The following ABAT variants were observed in gnomAD, a reference collection of about 807,000 sequenced individuals.
The protein encoded by ABAT is 4-aminobutyrate aminotransferase.
In ABAT, 45 loss-of-function variants were observed where a neutral mutation model predicts 64.6. The observed-to-expected ratio is 0.70, with a 90% CI of 0.55 to 0.89. ABAT has a LOEUF of 0.89. ABAT is among the 40% of genes least tolerant of loss of function. The pLI is 0.00. For missense variants in ABAT, 633 were observed against 658.4 expected (o/e 0.96, Z 0.42); for synonymous variants, 297 against 250.5 (o/e 1.19, Z -1.75).
chr16:8,770,505 CA>C, intron 11 of ABAT, among the ~76,000 whole-genome samples: 1 of 151,846 alleles, frequency 6.6e-6, no homozygotes, highest in Non-Finnish European at 1.5e-5. Flanking sequence ...GTGGTGCAAT[CA>C]CAGCTCACTG....
At chr16:8,758,898 T>G (rs1442480520) in intron 6 of ABAT, among the ~76,000 whole-genome samples, 1 of 151,944 alleles carries the variant, frequency 6.6e-6, no homozygotes, top group Non-Finnish European at 1.5e-5. Context: ...GGTCAGGAGT[T>G]CAAGACCAGC....
chr16:8,717,523 C>G (rs1167070109), intron 1 of ABAT, among the ~76,000 whole-genome samples: 2 of 152,118 alleles, frequency 1.3e-5, no homozygotes, highest in East Asian at 3.9e-4. Context: ...TGACTCCAAA[C>G]CAAACCAGAC....
Position 8,744,019 on chromosome 16 carries a change from A to G in ABAT, c.71-1982A>G, listed in dbSNP as rs74008045. On this transcript the variant is annotated intron_variant, in intron 2 of 15. Transcript: ENST00000268251. The stretch of plus-strand genomic sequence containing the variant: ...GAGCTACCCTTTGTGTTTCAGCAAC[A>G]TGTGGAGCTAAAAAGATTGTGGGAT... 3.2e-3 allele frequency among the ~76,000 whole-genome samples: 486 copies of G among 152,282 alleles called. 4 individuals are homozygous for G. The highest frequency in any genetic ancestry group is 0.011 in the African/African-American group (459 of 41,566).
intron 11 of ABAT, among the ~76,000 whole-genome samples, chr16:8,771,322 A>C (rs1032276531): frequency 3.9e-5 from 6 of 151,980 alleles, no homozygotes; most frequent in Non-Finnish European, 7.4e-5. Context: ...AAACCAAGAA[A>C]AGTATCTCAG....
intron 1 of ABAT, among the ~76,000 whole-genome samples, chr16:8,702,006 A>C (rs534267918): frequency 5.6e-4 from 85 of 152,168 alleles, no homozygotes; most frequent in Admixed American, 1.4e-3. Context: ...GGCCACTCTG[A>C]TGGCATTGGC....
At chr16:8,779,140 G>C (rs2060355008) in intron 14 of ABAT, among the ~76,000 whole-genome samples, 1 of 152,232 alleles carries the variant, frequency 6.6e-6, no homozygotes, top group South Asian at 2.1e-4. Flanking sequence ...CACGGCCCCA[G>C]TGGGGTCAAC....
Position 8,732,204 on chromosome 16 carries a change from T to G in ABAT, c.-41-3495T>G, listed in dbSNP as rs1402362622. ...TACTTTAGGTTTTTTTTGTTTTTTTTTTTTGTTTGTTTGTTTTTTTAATTT... is the reference window on the plus strand; with the variant it reads ...TACTTTAGGTTTTTTTTGTTTTTTTGTTTTGTTTGTTTGTTTTTTTAATTT... On this transcript the variant is annotated intron_variant, in intron 1 of 15. Coordinates refer to ENST00000268251, the MANE Select transcript of ABAT (RefSeq NM_020686.6). Among the ~76,000 whole-genome samples, 19 of 22,988 alleles carry G rather than the reference T, an allele frequency of 8.3e-4. No homozygotes were observed. In the South Asian group the frequency reaches 0.012, roughly 15 times the overall value. 15.1% of individuals were successfully genotyped at this position (22,988 alleles called of 152,430 possible). A position where few individuals can be genotyped will look rare whatever the true frequency, so the allele number is the denominator to read the frequency against.
intron 1 of ABAT, chr16:8,720,590 C>G (rs1025525755): frequency 5.9e-5 from 9 of 152,430 alleles, no homozygotes; most frequent in Admixed American, 1.3e-4. Flanking sequence ...AAGCCTCTGT[C>G]CCTGTGCCAC....
chr16:8,742,647 C>G (rs911489920), intron 2 of ABAT, among the ~76,000 whole-genome samples: 1 of 151,878 alleles, frequency 6.6e-6, no homozygotes, highest in Non-Finnish European at 1.5e-5. Context: ...GGTGGATTGC[C>G]TGAGCTCAGG....
chr16:8,715,859 C>T (rs2058202947), intron 1 of ABAT, among the ~76,000 whole-genome samples: 1 of 151,880 alleles, frequency 6.6e-6, no homozygotes, highest in Non-Finnish European at 1.5e-5. Flanking sequence ...AGAGAACATT[C>T]TTGTTCTTAG....
chr16:8,758,717 T>C (rs1338669011), intron 6 of ABAT, among the ~76,000 whole-genome samples: 2 of 152,140 alleles, frequency 1.3e-5, no homozygotes, highest in Admixed American at 6.6e-5. Flanking sequence ...TGTCCCCTGG[T>C]GGATACGGTA....
chr16:8,688,187 G>A (rs140555814), intron 1 of ABAT, among the ~76,000 whole-genome samples: 208 of 152,132 alleles, frequency 1.4e-3, no homozygotes, highest in African/African-American at 4.8e-3. Context: ...CACCGCACCC[G>A]GCCAAAAGTT....
intron 4 of ABAT, among the ~76,000 whole-genome samples, chr16:8,749,870 C>T (rs918769803): frequency 1.3e-5 from 2 of 151,994 alleles, no homozygotes; most frequent in African/African-American, 4.8e-5. Context: ...TGCACCACCA[C>T]GCCTGGCTAA....
intron 2 of ABAT, chr16:8,736,205 A>G (rs574018761): frequency 4.8e-6 from 1 of 206,426 alleles, no homozygotes; most frequent in South Asian, 8.1e-5. Flanking sequence ...ACCCACCCCC[A>G]TGATTCAATT....
chr16:8,781,574 G>T lies in ABAT; in HGVS notation c.*144G>T. On this transcript the variant is annotated 3_prime_UTR_variant, in exon 16 of 16. Coordinates refer to ENST00000268251, the MANE Select transcript of ABAT (RefSeq NM_020686.6). This position sits in a 1 kb window ranked among gnomAD's most constrained non-coding sequence, Gnocchi z 4.5. ...TTTGTGGGGAGGGAGCATTTTTGGTGGTCTTGGGGGAGGGGAGGGGAGGGA... is the reference window on the plus strand; with the variant it reads ...TTTGTGGGGAGGGAGCATTTTTGGTTGTCTTGGGGGAGGGGAGGGGAGGGA... The T allele has an allele frequency of 8.9e-7, 1 of 1,117,402 alleles. No individual in the cohort carries two copies. The highest frequency in any genetic ancestry group is 1.6e-5 in the African/African-American group (1 of 63,718). The allele number at this position is 1,117,402 out of a possible 1,614,324, so 69.2% of individuals were successfully genotyped here.
chr16:8,716,711 C>G (rs1431911101), intron 1 of ABAT, among the ~76,000 whole-genome samples: 2 of 152,210 alleles, frequency 1.3e-5, no homozygotes, highest in African/African-American at 4.8e-5. Flanking sequence ...CCGTTGAGAG[C>G]CTCTCCTAGA....
chr16:8,723,242 T>G (rs566376279), intron 1 of ABAT, among the ~76,000 whole-genome samples: 191 of 151,974 alleles, frequency 1.3e-3, no homozygotes, highest in Non-Finnish European at 2.4e-3. Context: ...CTCAAAAAAA[T>G]AAAGAGAGGA....
intron 2 of ABAT, among the ~76,000 whole-genome samples, chr16:8,738,639 G>GGT (rs771101618): frequency 1.0e-5 from 1 of 99,258 alleles, no homozygotes; most frequent in African/African-American, 4.6e-5. Context: ...TTTTTTTTTT[G>GGT]GTGTGTGTGT....
intron 1 of ABAT, among the ~76,000 whole-genome samples, chr16:8,684,129 A>G (rs2057397364): frequency 6.6e-6 from 1 of 152,176 alleles, no homozygotes; most frequent in African/African-American, 2.4e-5. Context: ...AAGTAAAAAG[A>G]GGTTACCACT....
Sources: allele counts gnomAD v4.1 joint callset (sites outside exome capture counted in the v4.1 genomes callset), GRCh38; gene constraint gnomAD v4.1.1; non-coding constraint Gnocchi (gnomAD v3.1); transcripts MANE v1.5; gene names NCBI Gene and HGNC (gene_info 2026-07-23, HGNC 2026-07-21).